ARID4B: variants seen among roughly 807,000 people sequenced by gnomAD.
ARID4B encodes AT-rich interaction domain 4B.
ARID4B carries 26 observed loss-of-function variants against 147.5 expected under a neutral mutation model. The ratio of observed to expected loss-of-function variants is 0.18; its 90% CI spans 0.13 to 0.24. The LOEUF (loss-of-function observed/expected upper bound fraction) is 0.24, where lower values mean the gene tolerates loss of function less well. ARID4B is among the 10% of genes least tolerant of loss of function. ARID4B has a pLI of 1.00. For missense variants in ARID4B, 1,179 were observed against 1,511.5 expected (o/e 0.78, Z 3.65); for synonymous variants, 512 against 507.9 (o/e 1.01, Z -0.11).
At chr1:235,324,355 A>G (rs1214544866) in intron 2 of ARID4B, among the ~76,000 whole-genome samples, 1 of 152,248 alleles carries the variant, frequency 6.6e-6, no homozygotes, top group African/African-American at 2.4e-5. Flanking sequence ...AACATAGCAT[A>G]TATTAGACAG....
intron 21 of ARID4B, 136 bp downstream of exon 21, chr1:235,177,664 T>C: frequency 1.8e-6 from 1 of 544,092 alleles, no homozygotes; most frequent in Non-Finnish European, 3.1e-6. Context: ...CTTACAGAAT[T>C]TGTGTGACTT....
intron 17 of ARID4B, among the ~76,000 whole-genome samples, chr1:235,208,816 C>T (rs1018721942): frequency 2.0e-5 from 3 of 152,052 alleles, no homozygotes; most frequent in East Asian, 1.9e-4. Context: ...CGTGCCCGGC[C>T]GGCCAGCAAT....
rs550874466 is a variant in ARID4B, at chr1:235,291,669, C to G, written c.7-30917G>C. Among the ~76,000 whole-genome samples the G allele has an allele frequency of 4.6e-5, 6 of 130,304 alleles. No individual in the cohort carries two copies. The East Asian group carries it at 1.2e-3, about 26-fold the overall frequency. The allele number at this position is 130,304 out of a possible 152,430, so 85.5% of individuals were successfully genotyped here. ...TGGCCAACGTGGCCAAACCCCGTCT[C>G]TACTAAAAAATACAAAAAATACTAA... On this transcript the variant is annotated intron_variant, in intron 2 of 23. Transcript: ENST00000264183.
rs1036747731 is a variant in ARID4B, at chr1:235,186,242, T to C, written c.2126-3449A>G. The stretch of plus-strand genomic sequence containing the variant: ...TCAGCCTCCCAAAGTGCAGGGATTA[T>C]AGGCGTGAGCCACCGCGCCTGGCCT... On this transcript the variant is annotated intron_variant, in intron 19 of 23. Coordinates refer to ENST00000264183, the MANE Select transcript of ARID4B (RefSeq NM_016374.6). Among the ~76,000 whole-genome samples the C allele has an allele frequency of 3.3e-5, 5 of 152,010 alleles. No homozygotes were observed. The South Asian group carries it at 8.3e-4, about 25-fold the overall frequency.
At chr1:235,293,844 G>T (rs147650824) in intron 2 of ARID4B, among the ~76,000 whole-genome samples, 4 of 152,204 alleles carry the variant, frequency 2.6e-5, no homozygotes, top group African/African-American at 9.6e-5. Context: ...TTTAGGAAAA[G>T]ATTCCTTTCT....
At chr1:235,197,782 G>T (rs1558191559) in intron 17 of ARID4B, among the ~76,000 whole-genome samples, 1 of 152,160 alleles carries the variant, frequency 6.6e-6, no homozygotes, top group East Asian at 1.9e-4. Context: ...CAAATATATG[G>T]TAAGTACTTT....
At chr1:235,250,039 G>A (rs915314802) in intron 6 of ARID4B, among the ~76,000 whole-genome samples, 6 of 150,642 alleles carry the variant, frequency 4.0e-5, no homozygotes, top group Non-Finnish European at 7.4e-5. Context: ...CCTGGGAGGC[G>A]GAGCTTGCAG....
At chr1:235,222,180 G>GAGATTAC (rs1348410613) in intron 13 of ARID4B, among the ~76,000 whole-genome samples, 4 of 152,110 alleles carry the variant, frequency 2.6e-5, no homozygotes, top group Middle Eastern at 3.4e-3. Context: ...CCAAAGTGCT[G>GAGATTAC]AGATTACAGG....
chr1:235,208,564 G>A (rs1281673847), intron 17 of ARID4B, among the ~76,000 whole-genome samples: 2 of 151,840 alleles, frequency 1.3e-5, no homozygotes, highest in Non-Finnish European at 2.9e-5. Context: ...GTGCAATGGC[G>A]CAATCTCGGC....
At chr1:235,235,239 GA>G (rs1232260288) in intron 8 of ARID4B, among the ~76,000 whole-genome samples, 1 of 151,870 alleles carries the variant, frequency 6.6e-6, no homozygotes, top group African/African-American at 2.4e-5. Context: ...TGAGGGAAGG[GA>G]TAATAAGAGG....
chr1:235,172,800 A>C (rs1663462170), intron 22 of ARID4B, 36 bp from the exon 23 acceptor site: 1 of 1,469,594 alleles, frequency 6.8e-7, no homozygotes. Flanking sequence ...AGACATTTTT[A>C]AAGAAAATTT....
intron 16 of ARID4B, among the ~76,000 whole-genome samples, chr1:235,218,772 A>T (rs1323507681): frequency 6.6e-6 from 1 of 151,990 alleles, no homozygotes; most frequent in Admixed American, 6.6e-5. Flanking sequence ...AGTATAATAA[A>T]CATTTTTTAC....
At chr1:235,256,732 C>T (rs538764826) in intron 4 of ARID4B, among the ~76,000 whole-genome samples, 1 of 152,132 alleles carries the variant, frequency 6.6e-6, no homozygotes, top group African/African-American at 2.4e-5. Context: ...ATCACTAATC[C>T]CTAGTTCATC....
At chr1:235,309,115 C>T (rs1673815945) in intron 2 of ARID4B, among the ~76,000 whole-genome samples, 1 of 150,528 alleles carries the variant, frequency 6.6e-6, no homozygotes, top group South Asian at 2.1e-4. Flanking sequence ...TGGGGAGCAC[C>T]TCTGCCCCGC....
chr1:235,212,727 A>G (rs1031919812), intron 17 of ARID4B, among the ~76,000 whole-genome samples: 1 of 152,238 alleles, frequency 6.6e-6, no homozygotes, highest in Non-Finnish European at 1.5e-5. Context: ...GACAGCCTCA[A>G]AACTCTCAGA....
chr1:235,249,598 A>G (rs1021639688), intron 6 of ARID4B, among the ~76,000 whole-genome samples: 2 of 151,562 alleles, frequency 1.3e-5, no homozygotes, highest in Non-Finnish European at 1.5e-5. Flanking sequence ...GATCGAGACC[A>G]CCCTGGCTAA....
intron 22 of ARID4B, 138 bp from the exon 23 acceptor site, chr1:235,172,902 T>C: frequency 1.5e-6 from 1 of 672,716 alleles, no homozygotes. Flanking sequence ...AATATTTGTT[T>C]TCCAAATTTT....
chr1:235,228,426 G>C (rs1667981401), intron 11 of ARID4B: 1 of 150,682 alleles, frequency 6.6e-6, no homozygotes. Context: ...CTCCTCAGTA[G>C]CTGGGGCTAC....
intron 2 of ARID4B, among the ~76,000 whole-genome samples, chr1:235,262,244 GA>G (rs541352859): frequency 2.1e-4 from 32 of 152,036 alleles, no homozygotes; most frequent in African/African-American, 7.2e-4. Context: ...AAGAAAAAGG[GA>G]AAAAAACAAT....
Sources: allele counts gnomAD v4.1 joint callset (sites outside exome capture counted in the v4.1 genomes callset), GRCh38; gene constraint gnomAD v4.1.1; transcripts MANE v1.5; gene names NCBI Gene and HGNC (gene_info 2026-07-23, HGNC 2026-07-21).